Variants in PRRX2 observed in about 807,000 individuals in gnomAD.
PRRX2 encodes paired mesoderm homeobox protein 2.
A neutral mutation model predicts 18.0 loss-of-function variants in PRRX2; 11 were observed. That is an observed-to-expected ratio of 0.61 (90% CI 0.39 to 1.01). The LOEUF is 1.01. PRRX2 is among the 50% of genes least tolerant of loss of function. The pLI, the probability that PRRX2 is intolerant of heterozygous loss-of-function variation, is 0.01. For synonymous variants in PRRX2, 177 were observed against 154.8 expected (o/e 1.14, Z -1.06); for missense variants, 387 against 351.0 (o/e 1.10, Z -0.82).
intron 1 of PRRX2, among the ~76,000 whole-genome samples, chr9:129,700,340 G>A (rs928658989): frequency 2.2e-5 from 3 of 134,476 alleles, no homozygotes; most frequent in African/African-American, 9.4e-5. Context: ...TGTTGTTGTT[G>A]GCTTTTTTTT....
chr9:129,666,142 C>T lies in PRRX2; in HGVS notation c.259+16C>T. 3.0e-6 allele frequency: 3 copies of T among 1,002,598 alleles called. No individual in the cohort carries two copies. The highest frequency in any genetic ancestry group is 3.6e-6 in the Non-Finnish European group (3 of 844,646). The allele number at this position is 1,002,598 out of a possible 1,614,324, so 62.1% of individuals were successfully genotyped here. ...CCGCAGGATGGTGAGTACGGCCGGC[C>T]AGGGACGGGGGTGGCGGGGCCGGGG... On this transcript the variant is annotated intron_variant, in intron 1 of 3. Coordinates refer to ENST00000372469, the MANE Select transcript of PRRX2 (RefSeq NM_016307.4).
chr9:129,706,674 G>A (rs1380854549), intron 1 of PRRX2, among the ~76,000 whole-genome samples: 1 of 152,160 alleles, frequency 6.6e-6, no homozygotes, highest in East Asian at 1.9e-4. Context: ...GCTGCAGTAA[G>A]CCATGATCGC....
chr9:129,691,771 C>T lies in PRRX2; in HGVS notation c.259+25645C>T, dbSNP rs930445580. 4.7e-4 allele frequency among the ~76,000 whole-genome samples: 71 copies of T among 151,392 alleles called. 1 individual carries two copies. Among genetic ancestry groups the T allele is most frequent in the East Asian group, 5.8e-4 (3 of 5,164 alleles). Reference sequence around the variant, plus strand: ...ACAGCTCATGGCAGCCTCCATCTCCCGGGCTCAAGCCATCCTCCCACCTCA... The same window carrying T: ...ACAGCTCATGGCAGCCTCCATCTCCTGGGCTCAAGCCATCCTCCCACCTCA... On this transcript the variant is annotated intron_variant, in intron 1 of 3. Coordinates refer to ENST00000372469, the MANE Select transcript of PRRX2 (RefSeq NM_016307.4).
Position 129,682,702 on chromosome 9 carries a change from C to T in PRRX2, c.259+16576C>T, listed in dbSNP as rs537057612. 3.9e-5 allele frequency among the ~76,000 whole-genome samples: 6 copies of T among 152,310 alleles called. No homozygotes were observed. In the South Asian group the frequency reaches 6.2e-4, roughly 16 times the overall value. On this transcript the variant is annotated intron_variant, in intron 1 of 3. Transcript: ENST00000372469. ...CTGTGGCCCTACCCAGTCTTTGGCA[C>T]AGCAGACAAAAGCCTGGGCCTGTGG...
chr9:129,666,188 C>T, intron 1 of PRRX2, 62 bp downstream of exon 1: 1 of 776,494 alleles, frequency 1.3e-6, no homozygotes, highest in Non-Finnish European at 1.5e-6. Flanking sequence ...GGCCGGGGCG[C>T]GGGGTCCGGG....
intron 1 of PRRX2, among the ~76,000 whole-genome samples, chr9:129,677,958 C>CTTT (rs760645440): frequency 1.4e-3 from 157 of 113,064 alleles, no homozygotes; most frequent in African/African-American, 2.9e-3. Context: ...TTCTTTCTTT[C>CTTT]TTTTTTTTTT....
chr9:129,680,225 A>ACCCC (rs1235471215), intron 1 of PRRX2, among the ~76,000 whole-genome samples: 1 of 151,832 alleles, frequency 6.6e-6, no homozygotes, highest in Non-Finnish European at 1.5e-5. Flanking sequence ...AACATGGTGA[A>ACCCC]GCCCCATCTC....
intron 1 of PRRX2, among the ~76,000 whole-genome samples, chr9:129,681,601 T>C (rs930791417): frequency 6.6e-6 from 1 of 152,130 alleles, no homozygotes; most frequent in Non-Finnish European, 1.5e-5. Context: ...GAGATGCCCG[T>C]GTCTGGGGCA....
chr9:129,670,608 C>T (rs1348233827), intron 1 of PRRX2, among the ~76,000 whole-genome samples: 1 of 152,162 alleles, frequency 6.6e-6, no homozygotes, highest in African/African-American at 2.4e-5. Context: ...CTCCTGACCT[C>T]AGGTGATCCA....
Position 129,720,769 on chromosome 9 carries a change from C to T in PRRX2, c.621C>T (p.Pro207=), listed in dbSNP as rs759487699. The change falls in exon 3 of 4, where the codon CCC becomes CCT. Residue 207 remains proline, a synonymous_variant. Coordinates refer to ENST00000372469, the MANE Select transcript of PRRX2 (RefSeq NM_016307.4). ...ATCTCTCCTGGACAGCCTCGTCCCC[C>T]TACAGGTGAGAGCGGGAACACCTTT... ...PDYLSWTASS[P]YSTVPPYSPG... is the part of the protein sequence containing the mutation. 2.2e-5 allele frequency: 34 copies of T among 1,578,788 alleles called. No individual in the cohort carries two copies. The highest frequency in any genetic ancestry group is 3.6e-5 in the Admixed American group (2 of 55,380).
intron 1 of PRRX2, among the ~76,000 whole-genome samples, chr9:129,689,303 TG>T (rs1243115751): frequency 6.6e-6 from 1 of 152,152 alleles, no homozygotes; most frequent in Non-Finnish European, 1.5e-5. Flanking sequence ...CTTCCTCGTT[TG>T]GAAAAGGGGA....
intron 1 of PRRX2, among the ~76,000 whole-genome samples, chr9:129,678,770 G>T (rs1832191998): frequency 6.6e-6 from 1 of 152,136 alleles, no homozygotes; most frequent in Non-Finnish European, 1.5e-5. Flanking sequence ...TGTCCAGAGT[G>T]GCCACTCACT....
At chr9:129,673,902 C>T (rs1832133314) in intron 1 of PRRX2, among the ~76,000 whole-genome samples, 1 of 152,134 alleles carries the variant, frequency 6.6e-6, no homozygotes, top group Non-Finnish European at 1.5e-5. Flanking sequence ...TGCTGGCTCC[C>T]ACACTGAGCA....
At chr9:129,677,099 G>T (rs535416666) in intron 1 of PRRX2, among the ~76,000 whole-genome samples, 2 of 152,318 alleles carry the variant, frequency 1.3e-5, no homozygotes, top group East Asian at 1.9e-4. Flanking sequence ...GCGCATGTGC[G>T]TGTTGTTTTG....
At chr9:129,673,701 C>G (rs1167491845) in intron 1 of PRRX2, among the ~76,000 whole-genome samples, 2 of 151,804 alleles carry the variant, frequency 1.3e-5, no homozygotes, top group Admixed American at 1.3e-4. Flanking sequence ...CCCCTCATCA[C>G]GAGGGCTCCA....
chr9:129,697,859 G>A (rs935252074), intron 1 of PRRX2, among the ~76,000 whole-genome samples: 1 of 152,096 alleles, frequency 6.6e-6, no homozygotes, highest in Non-Finnish European at 1.5e-5. Flanking sequence ...AAGTTTGTGC[G>A]TAAGATTTTT....
intron 1 of PRRX2, among the ~76,000 whole-genome samples, 175 bp downstream of exon 1, chr9:129,666,301 G>A (rs1832021874): frequency 6.6e-6 from 1 of 152,198 alleles, no homozygotes; most frequent in Admixed American, 6.5e-5. Flanking sequence ...AGCACTCTGG[G>A]CTGGGGGAGG....
intron 1 of PRRX2, among the ~76,000 whole-genome samples, chr9:129,704,190 A>T (rs1832532471): frequency 6.6e-6 from 1 of 152,216 alleles, no homozygotes; most frequent in Admixed American, 6.5e-5. Context: ...TCATGATTAA[A>T]GTGGGGAAGA....
chr9:129,701,875 G>A (rs1263091463), intron 1 of PRRX2, among the ~76,000 whole-genome samples: 1 of 152,136 alleles, frequency 6.6e-6, no homozygotes. Flanking sequence ...AAGGCAGGCG[G>A]ATCACTTGAG....
Sources: allele counts gnomAD v4.1 joint callset (sites outside exome capture counted in the v4.1 genomes callset), GRCh38; gene constraint gnomAD v4.1.1; transcripts MANE v1.5; gene names NCBI Gene and HGNC (gene_info 2026-07-23, HGNC 2026-07-21).